RBMS3: variants seen among roughly 807,000 people sequenced by gnomAD.
RBMS3 encodes RNA binding motif single stranded interacting protein 3, also known as RNA-binding motif, single-stranded-interacting protein 3.
Under a neutral mutation model 66.8 loss-of-function variants are expected in RBMS3, and 27 were observed. That is an observed-to-expected ratio of 0.40 (90% CI 0.30 to 0.56). RBMS3 has a LOEUF of 0.56. Among genes scored for constraint, RBMS3 ranks in the 20% least tolerant of loss-of-function variants. The probability of loss-of-function intolerance (pLI) is 0.40; values close to 1 mark genes in which losing one functional copy is unlikely to be tolerated. For missense variants in RBMS3, 513 were observed against 549.5 expected (o/e 0.93, Z 0.66); for synonymous variants, 188 against 183.0 (o/e 1.03, Z -0.22).
At chr3:29,626,665 G>A (rs1287330649) in intron 4 of RBMS3, among the ~76,000 whole-genome samples, 3 of 152,086 alleles carry the variant, frequency 2.0e-5, no homozygotes, top group Non-Finnish European at 4.4e-5. Context: ...ATCAATATGA[G>A]GAGTTAAAAA....
At chr3:29,817,305 G>A (rs1310247083) in intron 6 of RBMS3, among the ~76,000 whole-genome samples, 2 of 150,070 alleles carry the variant, frequency 1.3e-5, no homozygotes, top group Admixed American at 6.7e-5. Context: ...CTGGGTTCAA[G>A]CGATTCTCCT....
rs568628434 is a variant in RBMS3, at chr3:29,875,943, C to T, written c.744+6979C>T. On this transcript the variant is annotated intron_variant, in intron 7 of 14. Transcript: ENST00000383767. ...AAGCCAAAAAGAAGAAAGACTGTGACGATATAGTGCATGTAAATAACAATA... is the reference window on the plus strand; with the variant it reads ...AAGCCAAAAAGAAGAAAGACTGTGATGATATAGTGCATGTAAATAACAATA... Among the ~76,000 whole-genome samples the T allele has an allele frequency of 1.4e-4, 22 of 152,134 alleles. No individual in the cohort carries two copies. In the South Asian group the frequency reaches 2.1e-3, roughly 14 times the overall value.
intron 4 of RBMS3, 48 bp from the exon 5 acceptor site, chr3:29,739,672 T>C (rs765069506): frequency 1.4e-6 from 2 of 1,463,282 alleles, no homozygotes. Flanking sequence ...TTGTACAATG[T>C]TTCTCAATAC....
intron 1 of RBMS3, among the ~76,000 whole-genome samples, chr3:29,334,364 C>T (rs2035829879): frequency 6.6e-6 from 1 of 151,970 alleles, no homozygotes; most frequent in Admixed American, 6.6e-5. Context: ...CTTGCTATTC[C>T]TAATTTTGAT....
At chr3:29,604,899 G>A (rs1211977576) in intron 4 of RBMS3, among the ~76,000 whole-genome samples, 4 of 151,808 alleles carry the variant, frequency 2.6e-5, no homozygotes, top group African/African-American at 9.7e-5. Flanking sequence ...TGGGGTTAGA[G>A]CATGATAGCA....
rs1251449973 is a variant in RBMS3 at position 29,281,634 on chromosome 3, A to G, written c.-48A>G. 1 of 1,519,002 alleles carries G rather than the reference A, an allele frequency of 6.6e-7. No homozygotes were observed. The highest frequency in any genetic ancestry group is 1.1e-5 in the South Asian group (1 of 89,042). 94.1% of individuals were successfully genotyped at this position (1,519,002 alleles called of 1,614,324 possible). Reference sequence around the variant, plus strand: ...AAGAGGAAGCTCGGCCTGGGGCACTATACCCTGTCATCCAGTTCCCTGCCT... The same window carrying G: ...AAGAGGAAGCTCGGCCTGGGGCACTGTACCCTGTCATCCAGTTCCCTGCCT... On this transcript the variant is annotated 5_prime_UTR_variant, in exon 1 of 15. Transcript: ENST00000383767.
intron 3 of RBMS3, among the ~76,000 whole-genome samples, chr3:29,502,258 C>T (rs559030052): frequency 6.6e-6 from 1 of 151,976 alleles, no homozygotes; most frequent in Non-Finnish European, 1.5e-5. Context: ...TATTATTATT[C>T]GCATTTTACT....
chr3:29,538,769 A>G (rs2045661211), intron 3 of RBMS3, among the ~76,000 whole-genome samples: 1 of 152,230 alleles, frequency 6.6e-6, no homozygotes, highest in South Asian at 2.1e-4. Flanking sequence ...GTTGTCCTGC[A>G]GGCAGTATCG....
intron 2 of RBMS3, among the ~76,000 whole-genome samples, chr3:29,442,913 G>C (rs772175553): frequency 2.0e-5 from 3 of 152,000 alleles, no homozygotes; most frequent in Non-Finnish European, 2.9e-5. Flanking sequence ...ATATTTTGGA[G>C]TTTTCTGGAG....
chr3:29,558,007 C>T (rs1161009123), intron 3 of RBMS3, among the ~76,000 whole-genome samples: 1 of 151,946 alleles, frequency 6.6e-6, no homozygotes, highest in Non-Finnish European at 1.5e-5. Flanking sequence ...GATAAAGGGA[C>T]AACAGGATGA....
At chr3:29,838,600 T>G (rs553706727) in intron 6 of RBMS3, among the ~76,000 whole-genome samples, 22 of 152,320 alleles carry the variant, frequency 1.4e-4, no homozygotes, top group African/African-American at 5.1e-4. Flanking sequence ...ATTTATTTTA[T>G]GCCATAAGAC....
intron 6 of RBMS3, among the ~76,000 whole-genome samples, chr3:29,867,658 T>G (rs1174824120): frequency 6.6e-6 from 1 of 151,240 alleles, no homozygotes; most frequent in African/African-American, 2.4e-5. Flanking sequence ...AAGCTCCTGG[T>G]CATGTCTCAT....
At chr3:29,678,966 T>A (rs1223331314) in intron 4 of RBMS3, among the ~76,000 whole-genome samples, 1 of 152,166 alleles carries the variant, frequency 6.6e-6, no homozygotes, top group African/African-American at 2.4e-5. Context: ...GTATCTTACA[T>A]TATTTCCCAA....
chr3:29,741,149 G>A (rs2054625722), intron 5 of RBMS3, among the ~76,000 whole-genome samples: 1 of 152,008 alleles, frequency 6.6e-6, no homozygotes, highest in Non-Finnish European at 1.5e-5. Context: ...TTATTTCCTT[G>A]GAGTTGTGGT....
chr3:29,775,827 C>A (rs558978188), intron 6 of RBMS3, among the ~76,000 whole-genome samples: 1 of 151,868 alleles, frequency 6.6e-6, no homozygotes, highest in Non-Finnish European at 1.5e-5. Context: ...TATTAGTGTT[C>A]ACATAAAATC....
At chr3:29,398,942 C>T (rs2039682558) in intron 1 of RBMS3, among the ~76,000 whole-genome samples, 1 of 152,164 alleles carries the variant, frequency 6.6e-6, no homozygotes, top group South Asian at 2.1e-4. Flanking sequence ...TTCTGCTGTA[C>T]ATCTGGGAAA....
chr3:29,540,638 G>A (rs778868464), intron 3 of RBMS3, among the ~76,000 whole-genome samples: 22 of 152,016 alleles, frequency 1.4e-4, no homozygotes, highest in African/African-American at 2.9e-4. Context: ...AATCCTCCTC[G>A]TACAGATGAA....
At chr3:29,317,976 A>AT (rs1267864989) in intron 1 of RBMS3, among the ~76,000 whole-genome samples, 1 of 151,442 alleles carries the variant, frequency 6.6e-6, no homozygotes, top group African/African-American at 2.4e-5. Context: ...ATCTTAGTTA[A>AT]TTTTTTTCCC....
chr3:29,879,408 G>A (rs932209474), intron 7 of RBMS3, among the ~76,000 whole-genome samples: 1 of 152,018 alleles, frequency 6.6e-6, no homozygotes, highest in Non-Finnish European at 1.5e-5. Context: ...GTGAACAGTT[G>A]TAAATATTGT....
Sources: allele counts gnomAD v4.1 joint callset (sites outside exome capture counted in the v4.1 genomes callset), GRCh38; gene constraint gnomAD v4.1.1; transcripts MANE v1.5; gene names NCBI Gene and HGNC (gene_info 2026-07-23, HGNC 2026-07-21).